Variants in WDR64 observed in about 807,000 individuals in gnomAD.
WDR64 encodes the protein WD repeat-containing protein 64.
A neutral mutation model predicts 139.3 loss-of-function variants in WDR64; 112 were observed. The observed-to-expected ratio is 0.80, with a 90% CI of 0.69 to 0.94. WDR64 has a LOEUF of 0.94. WDR64 is among the 40% of genes least tolerant of loss of function. The pLI is 0.00. For synonymous variants in WDR64, 444 were observed against 437.7 expected (o/e 1.01, Z -0.18); for missense variants, 1,206 against 1,293.1 (o/e 0.93, Z 1.03).
Position 241,795,291 on chromosome 1 carries a change from A to C in WDR64, c.3078+4A>C, listed in dbSNP as rs1342063783. 2 of 1,611,202 alleles carry C rather than the reference A, an allele frequency of 1.2e-6. No individual in the cohort carries two copies. The highest frequency in any genetic ancestry group is 8.5e-7 in the Non-Finnish European group (1 of 1,178,366). ...CGGCTCTCTGCCTATATACAGTGTG[A>C]GTTGGAGTTTCTAGGAGTAGAGGGG... On this transcript the variant is annotated splice_donor_region_variant and intron_variant, in intron 26 of 27. Transcript: ENST00000437684.
chr1:241,699,630 C>T (rs1289721900), intron 8 of WDR64, among the ~76,000 whole-genome samples: 3 of 151,876 alleles, frequency 2.0e-5, no homozygotes, highest in African/African-American at 7.3e-5. Flanking sequence ...TCACAAATGC[C>T]GAGTTTTGAA....
At chr1:241,773,189 T>C (rs916610760) in intron 20 of WDR64, among the ~76,000 whole-genome samples, 5 of 152,186 alleles carry the variant, frequency 3.3e-5, no homozygotes, top group Non-Finnish European at 5.9e-5. Context: ...TTGGAAGCTC[T>C]TCTACTTTTC....
At chr1:241,668,272 G>A (rs1320300791) in intron 2 of WDR64, among the ~76,000 whole-genome samples, 1 of 152,172 alleles carries the variant, frequency 6.6e-6, no homozygotes, top group African/African-American at 2.4e-5. Flanking sequence ...CACTTTGGGA[G>A]GCCGAGGGGG....
chr1:241,660,750 G>A, intron 2 of WDR64, 90 bp downstream of exon 2: 1 of 1,413,512 alleles, frequency 7.1e-7, no homozygotes, highest in Non-Finnish European at 9.6e-7. Context: ...TACTGCCACA[G>A]GGGTTGAACC....
At position 241,770,653 on chromosome 1, in the gene WDR64, C is replaced by G. The variant is rs1256992759; in HGVS notation, c.2216C>G (p.Ser739Cys). 1.3e-6 allele frequency: 2 copies of G among 1,551,352 alleles called. No individual in the cohort carries two copies. Among genetic ancestry groups the G allele is most frequent in the Non-Finnish European group, 1.7e-6 (2 of 1,146,860 alleles). Residue 739 changes from serine (S) to cysteine (C), a missense_variant, in exon 18 of 28, where the codon TCC (serine) becomes TGC (cysteine). By Grantham distance (112) the Ser-to-Cys change is moderately radical (BLOSUM62 -1). Transcript: ENST00000437684. ...RSSQDSICSS[S>C]QCESSKGPQS... ...AGTCAGGATTCCATATGTTCTTCAT[C>G]CCAGTGTGAATCCAGCAAAGGTCCA...
intron 25 of WDR64, among the ~76,000 whole-genome samples, chr1:241,794,492 T>G (rs942982787): frequency 6.8e-6 from 1 of 148,106 alleles, no homozygotes; most frequent in Non-Finnish European, 1.5e-5. Flanking sequence ...CCCACATATT[T>G]TAAGCTTTAC....
Position 241,802,073 on chromosome 1 carries a change from T to G in WDR64, c.*858T>G, listed in dbSNP as rs1251963093. 2 of 397,860 alleles carry G rather than the reference T, an allele frequency of 5.0e-6. No individual in the cohort carries two copies. The highest frequency in any genetic ancestry group is 3.6e-5 in the East Asian group (1 of 27,914). The allele number at this position is 397,860 out of a possible 1,614,324, so 24.6% of individuals were successfully genotyped here. On this transcript the variant is annotated 3_prime_UTR_variant, in exon 28 of 28. Transcript: ENST00000437684. ...TAGCCATATTAATATTAAAATACAC[T>G]TTAAGAAAATAAACAAGAATCTTTA...
chr1:241,712,114 G>C (rs1372399056), intron 9 of WDR64, among the ~76,000 whole-genome samples: 1 of 152,120 alleles, frequency 6.6e-6, no homozygotes, highest in Admixed American at 6.5e-5. Context: ...TGTTCTTACT[G>C]TTTTGTTTTC....
At chr1:241,735,533 C>CTTTTTTTTTTTTT (rs58339742) in intron 10 of WDR64, among the ~76,000 whole-genome samples, 5 of 103,514 alleles carry the variant, frequency 4.8e-5, no homozygotes, top group African/African-American at 1.9e-4. Context: ...CTCTCTCTCT[C>CTTTTTTTTTTTTT]TTTTTTTTTT....
chr1:241,683,537 T>G lies in WDR64; in HGVS notation c.675T>G (p.Cys225Trp). The G allele has an allele frequency of 6.4e-7, 1 of 1,551,846 alleles. No individual in the cohort carries two copies. The highest frequency in any genetic ancestry group is 8.7e-7 in the Non-Finnish European group (1 of 1,147,020). Residue 225 changes from cysteine to tryptophan, a missense_variant, in exon 7 of 28, where the codon TGT becomes TGG. Cys to Trp is a radical substitution (Grantham distance 215, BLOSUM62 -2). Transcript: ENST00000437684. ...TGGATCACTGCCTCCTGTGTGTGTG[T>G]GTGGTGCCTTTGCCTGACCATCTCT... is the stretch of plus-strand genomic sequence containing the variant. The part of the protein sequence containing the change: ...KPMDHCLLCV[C>W]VVPLPDHLCR...
Position 241,683,653 on chromosome 1 carries a change from C to T in WDR64, c.791C>T (p.Ser264Phe). 1 of 1,550,708 alleles carries T rather than the reference C, an allele frequency of 6.4e-7. No homozygotes were observed. Among genetic ancestry groups the T allele is most frequent in the Non-Finnish European group, 8.7e-7 (1 of 1,146,574 alleles). ...SDDFGIKQAK[S>F]KRKLQNQVLD... ...GACTTTGGAATAAAGCAGGCAAAAT[C>T]CAAAAGAAAATTACAAAATCAGGTC... is the stretch of plus-strand genomic sequence containing the variant. The change falls in exon 7 of 28, where the codon TCC (serine) becomes TTC (phenylalanine). Residue 264 changes from serine to phenylalanine, a missense_variant. By Grantham distance (155) the Ser-to-Phe change is radical. Transcript: ENST00000437684.
chr1:241,744,280 TG>T (rs1387226732), intron 12 of WDR64, 112 bp from the exon 13 acceptor site: 4 of 1,277,654 alleles, frequency 3.1e-6, no homozygotes, highest in Non-Finnish European at 4.4e-6. Flanking sequence ...CTAGGAAATG[TG>T]TTAGATGTAC....
chr1:241,746,159 G>T (rs569286685), intron 13 of WDR64, among the ~76,000 whole-genome samples: 3 of 152,160 alleles, frequency 2.0e-5, no homozygotes, highest in Admixed American at 6.5e-5. Flanking sequence ...TACTGGGGGT[G>T]TGAGTGTTGC....
chr1:241,719,572 T>C (rs1668527874), intron 9 of WDR64, among the ~76,000 whole-genome samples: 1 of 152,086 alleles, frequency 6.6e-6, no homozygotes. Flanking sequence ...AATAAAATAA[T>C]CATAGAATTA....
chr1:241,791,733 T>C (rs146804015), intron 25 of WDR64, among the ~76,000 whole-genome samples: 98 of 152,256 alleles, frequency 6.4e-4, no homozygotes, highest in African/African-American at 2.2e-3. Flanking sequence ...CTTATCTAGA[T>C]AACACAGCAT....
At chr1:241,782,502 C>G (rs996810197) in intron 22 of WDR64, among the ~76,000 whole-genome samples, 1 of 152,154 alleles carries the variant, frequency 6.6e-6, no homozygotes, top group African/African-American at 2.4e-5. Flanking sequence ...AGTAAGGTGT[C>G]AGTCCGGGTT....
chr1:241,799,224 T>TAAAAAAAAAAAAAA (rs1659454983), intron 27 of WDR64, among the ~76,000 whole-genome samples: 1 of 43,914 alleles, frequency 2.3e-5, no homozygotes, highest in Non-Finnish European at 4.4e-5. Context: ...AAAAAAAAAA[T>TAAAAAAAAAAAAAA]ACAAAAATTA....
At chr1:241,700,667 G>C (rs1435537036) in intron 8 of WDR64, among the ~76,000 whole-genome samples, 3 of 152,134 alleles carry the variant, frequency 2.0e-5, no homozygotes, top group Non-Finnish European at 4.4e-5. Flanking sequence ...TTATTTGTTG[G>C]CCATGTGGTC....
rs1329364813 is a variant in WDR64 at position 241,772,006 on chromosome 1, C to T, written c.2290+309C>T. ...TATATATATTCTTTTTGGAACCAAA[C>T]ATTGAGGTGCTATGGGATTCAGTAG... On this transcript the variant is annotated intron_variant, in intron 19 of 27. Transcript: ENST00000437684. 2.4e-5 allele frequency among the ~76,000 whole-genome samples: 3 copies of T among 126,818 alleles called. No homozygotes were observed. In the East Asian group the frequency reaches 7.8e-4, roughly 33 times the overall value. 83.2% of individuals were successfully genotyped at this position (126,818 alleles called of 152,430 possible).
Sources: gnomAD v4.1 joint callset for allele counts (sites outside exome capture counted in the v4.1 genomes callset) on GRCh38, gnomAD v4.1.1 for gene constraint, MANE v1.5 for transcripts, NCBI Gene and HGNC (gene_info 2026-07-23, HGNC 2026-07-21) for gene names.